CASP6: variants seen among roughly 807,000 people sequenced by gnomAD.
CASP6 encodes the protein caspase-6.
CASP6 carries 20 observed loss-of-function variants against 31.8 expected under a neutral mutation model. That is an observed-to-expected ratio of 0.63 (90% CI 0.44 to 0.91). The LOEUF is 0.91. CASP6 is among the 40% of genes least tolerant of loss of function. CASP6 has a pLI of 0.00. For missense variants in CASP6, 328 were observed against 361.1 expected, an observed-to-expected ratio of 0.91 and a Z score of 0.74; for synonymous variants, 130 against 127.8, an observed-to-expected ratio of 1.02 and a Z score of -0.12.
At chr4:109,701,559 C>T (rs1730421924) in intron 1 of CASP6, among the ~76,000 whole-genome samples, 1 of 152,160 alleles carries the variant, frequency 6.6e-6, no homozygotes, top group Non-Finnish European at 1.5e-5. Flanking sequence ...TCCCCAGTAG[C>T]TGGGACTAGA....
At chr4:109,687,544 TTCTC>T (rs748728563), downstream of CASP6, 15 of 1,612,840 alleles carry the variant, frequency 9.3e-6, no homozygotes, top group Non-Finnish European at 1.3e-5. Context: ...AGGCGCGTCA[TTCTC>T]TCTGTTTGCA....
the CASP6 span, among the ~76,000 whole-genome samples, chr4:109,666,894 G>A: frequency 3.3e-5 from 5 of 152,234 alleles, no homozygotes; most frequent in South Asian, 1.0e-3. Flanking sequence ...TGGATTACAT[G>A]AATTCATATT....
chr4:109,685,185 T>C (rs1729809736), downstream of CASP6: 4 of 717,046 alleles, frequency 5.6e-6, no homozygotes, highest in African/African-American at 5.3e-5. Context: ...GTCAAGTATC[T>C]TTCTTGCAGA....
intron 6 of CASP6, among the ~76,000 whole-genome samples, chr4:109,689,888 A>G (rs1185368773): frequency 3.9e-5 from 6 of 152,158 alleles, no homozygotes; most frequent in Non-Finnish European, 8.8e-5. Context: ...AAGAACCATT[A>G]TCAAAATATT....
rs368031821 is a variant in CASP6, at chr4:109,694,621, T to C, written c.387A>G (p.Ala129=). Residue 129 remains alanine, a synonymous_variant, in exon 5 of 7, where the codon GCA becomes GCG. Coordinates refer to ENST00000265164, the MANE Select transcript of CASP6 (RefSeq NM_001226.4). Reference sequence around the variant, plus strand: ...TCTGAATTTCGATTTTAGCATCATATGCATAAATGTGATTGCCTTCGCCAT... The same window carrying C: ...TCTGAATTTCGATTTTAGCATCATACGCATAAATGTGATTGCCTTCGCCAT... ...LSHGEGNHIY[A]YDAKIEIQTL... is the part of the protein sequence containing the mutation. 9 of 1,612,936 alleles carry C rather than the reference T, an allele frequency of 5.6e-6. No homozygotes were observed. The Admixed American group carries it at 6.7e-5, about 12-fold the overall frequency.
chr4:109,700,809 T>C (rs971245978), intron 1 of CASP6, among the ~76,000 whole-genome samples: 1 of 152,190 alleles, frequency 6.6e-6, no homozygotes, highest in African/African-American at 2.4e-5. Flanking sequence ...TGCCAGGACC[T>C]AAGTTCCAAT....
At chr4:109,671,713 G>A in the CASP6 span, among the ~76,000 whole-genome samples, 2 of 152,260 alleles carry the variant, frequency 1.3e-5, no homozygotes, top group Middle Eastern at 3.4e-3. Flanking sequence ...CCATATCAGA[G>A]CCTGGTTCTG....
chr4:109,688,673 CA>C lies in CASP6; in HGVS notation c.*656del, dbSNP rs911960376. The C allele has an allele frequency of 6.6e-6, 1 of 152,052 alleles. No homozygotes were observed. The highest frequency in any genetic ancestry group is 2.4e-5 in the African/African-American group (1 of 41,404). The allele number at this position is 152,052 out of a possible 1,614,324, so 9.4% of individuals were successfully genotyped here. A position where few individuals can be genotyped will look rare whatever the true frequency, so the allele number is the denominator to read the frequency against. On this transcript the variant is annotated 3_prime_UTR_variant, in exon 7 of 7. Coordinates refer to ENST00000265164, the MANE Select transcript of CASP6 (RefSeq NM_001226.4). ...AAGGGATGATTTAATTCCTGGATTT[CA>C]AAAACCTTTAAAAACATCAAACAAT... is the stretch of plus-strand genomic sequence containing the variant.
upstream of CASP6, among the ~76,000 whole-genome samples, chr4:109,703,760 G>A (rs925913850): frequency 5.9e-5 from 9 of 152,156 alleles, no homozygotes; most frequent in Non-Finnish European, 1.2e-4. Flanking sequence ...GTGTGAGCTC[G>A]GACTCATTTA....
upstream of CASP6, among the ~76,000 whole-genome samples, chr4:109,704,099 C>G (rs1730527453): frequency 6.6e-6 from 1 of 152,200 alleles, no homozygotes; most frequent in African/African-American, 2.4e-5. Context: ...TTTCCCTTCT[C>G]TCTCCCCCTC....
chr4:109,685,763 T>C (rs1368124881), downstream of CASP6, among the ~76,000 whole-genome samples: 1 of 152,226 alleles, frequency 6.6e-6, no homozygotes, highest in Non-Finnish European at 1.5e-5. Context: ...CCTTCATCTT[T>C]TTCCCTTCTG....
chr4:109,707,531 C>T (rs72886599), upstream of CASP6, among the ~76,000 whole-genome samples: 4,018 of 152,066 alleles, frequency 0.026, 172 homozygotes, highest in African/African-American at 0.091. Context: ...GGATTACAGG[C>T]GTGCACTACC....
intron 1 of CASP6, among the ~76,000 whole-genome samples, chr4:109,702,138 C>T (rs1357234879): frequency 6.6e-6 from 1 of 152,160 alleles, no homozygotes; most frequent in Non-Finnish European, 1.5e-5. Context: ...TGAAGGAAAG[C>T]CCCGGCTTCC....
downstream of CASP6, chr4:109,684,670 G>T (rs753874805): frequency 8.0e-6 from 9 of 1,131,068 alleles, no homozygotes; most frequent in East Asian, 2.1e-4. Flanking sequence ...TAGGAAAATG[G>T]TAAGTTAGAA....
the CASP6 span, among the ~76,000 whole-genome samples, chr4:109,679,376 G>C: frequency 1.2e-4 from 19 of 152,278 alleles, no homozygotes; most frequent in East Asian, 1.2e-3. Flanking sequence ...CTGAGTGAGC[G>C]AGACTCCGTC....
At chr4:109,664,422 CTT>C in the CASP6 span, 6,131 of 608,294 alleles carry the variant, frequency 0.01, no homozygotes, top group East Asian at 0.019. Flanking sequence ...CCAACTATTA[CTT>C]TTTTTTTTTT....
upstream of CASP6, among the ~76,000 whole-genome samples, chr4:109,705,419 C>A (rs749017949): frequency 6.6e-6 from 1 of 152,200 alleles, no homozygotes; most frequent in Non-Finnish European, 1.5e-5. Context: ...TGTTATCGTG[C>A]TTGCTAACAC....
intron 1 of CASP6, among the ~76,000 whole-genome samples, chr4:109,702,076 G>C (rs765192521): frequency 3.9e-5 from 6 of 152,194 alleles, no homozygotes; most frequent in Non-Finnish European, 8.8e-5. Flanking sequence ...ATCAGGCCTA[G>C]AACATGCACT....
chr4:109,670,559 T>C, the CASP6 span, among the ~76,000 whole-genome samples: 2 of 151,752 alleles, frequency 1.3e-5, no homozygotes, highest in Non-Finnish European at 2.9e-5. Flanking sequence ...CTACTAAAAA[T>C]ACAAAAATTA....
Sources: allele counts gnomAD v4.1 joint callset (sites outside exome capture counted in the v4.1 genomes callset), GRCh38; gene constraint gnomAD v4.1.1; transcripts MANE v1.5; gene names NCBI Gene and HGNC (gene_info 2026-07-23, HGNC 2026-07-21).